The following GAB2 variants were observed in gnomAD, a reference collection of about 807,000 sequenced individuals.
The protein encoded by GAB2 is GRB2-associated-binding protein 2.
Under a neutral mutation model 65.5 loss-of-function variants are expected in GAB2, and 26 were observed. That is an observed-to-expected ratio of 0.40 (90% CI 0.29 to 0.55). The LOEUF (loss-of-function observed/expected upper bound fraction) is 0.55. Ranked by LOEUF, GAB2 falls within the 20% of genes least tolerant of loss-of-function variation. The probability of loss-of-function intolerance (pLI) is 0.53; values close to 1 mark genes in which losing one functional copy is unlikely to be tolerated. For synonymous variants in GAB2, 321 were observed against 329.6 expected (o/e 0.97, Z 0.28); for missense variants, 884 against 875.8 (o/e 1.01, Z -0.12).
chr11:78,385,118 C>G (rs1337475355), intron 1 of GAB2, among the ~76,000 whole-genome samples: 1 of 152,054 alleles, frequency 6.6e-6, no homozygotes, highest in African/African-American at 2.4e-5. Flanking sequence ...TACAAAGTAT[C>G]AAAAAAGACC....
intron 1 of GAB2, among the ~76,000 whole-genome samples, chr11:78,400,691 C>T (rs886300268): frequency 6.6e-6 from 1 of 151,892 alleles, no homozygotes; most frequent in Non-Finnish European, 1.5e-5. Context: ...TCACTTGAGG[C>T]CAGGAGTTCG....
At chr11:78,229,384 A>G (rs1408968077) in intron 3 of GAB2, among the ~76,000 whole-genome samples, 1 of 152,164 alleles carries the variant, frequency 6.6e-6, no homozygotes, top group Non-Finnish European at 1.5e-5. Context: ...GGCCAGGACT[A>G]AAGGGAACGG....
At chr11:78,383,581 C>CAAAAAAAAAAAAAAAAAAAA (rs534814220) in intron 1 of GAB2, among the ~76,000 whole-genome samples, 922 of 55,182 alleles carry the variant, frequency 0.017, 40 homozygotes, top group Middle Eastern at 0.028. Context: ...CCTGTCTCTC[C>CAAAAAAAAAAAAAAAAAAAA]AAAAAAAAAA....
intron 1 of GAB2, among the ~76,000 whole-genome samples, chr11:78,304,042 TA>T (rs1855296375): frequency 6.6e-6 from 1 of 151,940 alleles, no homozygotes; most frequent in African/African-American, 2.4e-5. Flanking sequence ...ATTATATATT[TA>T]AAATTATAAT....
chr11:78,314,172 A>G (rs1409908148), intron 1 of GAB2, among the ~76,000 whole-genome samples: 1 of 152,214 alleles, frequency 6.6e-6, no homozygotes, highest in Non-Finnish European at 1.5e-5. Flanking sequence ...GCTCGCATGT[A>G]AAACAGGAGT....
At chr11:78,294,641 C>T (rs914153144) in intron 1 of GAB2, among the ~76,000 whole-genome samples, 18 of 152,052 alleles carry the variant, frequency 1.2e-4, no homozygotes, top group Admixed American at 2.6e-4. Context: ...AATGGGGAAA[C>T]GATTCCCTAT....
chr11:78,364,211 C>A, intron 1 of GAB2: 1 of 152,142 alleles, frequency 6.6e-6, no homozygotes, highest in Non-Finnish European at 1.5e-5. Flanking sequence ...AGTGTCCTTT[C>A]CACATTGCTT....
intron 1 of GAB2, among the ~76,000 whole-genome samples, chr11:78,284,738 C>A (rs1202885179): frequency 5.3e-4 from 80 of 151,962 alleles, no homozygotes; most frequent in Admixed American, 5.2e-3. Context: ...AGCATGTATA[C>A]CCCCAAAAGA....
intron 2 of GAB2, among the ~76,000 whole-genome samples, chr11:78,258,497 CTATTT>C (rs751085584): frequency 2.8e-4 from 43 of 152,042 alleles, no homozygotes; most frequent in Non-Finnish European, 5.1e-4. Flanking sequence ...GGTTCTGAAA[CTATTT>C]TATTTAATTT....
At chr11:78,322,453 A>G (rs1053299225) in intron 1 of GAB2, among the ~76,000 whole-genome samples, 1 of 151,992 alleles carries the variant, frequency 6.6e-6, no homozygotes. Context: ...AAAATTGACA[A>G]GTGGGACCTA....
intron 1 of GAB2, among the ~76,000 whole-genome samples, chr11:78,382,476 C>T (rs1033529967): frequency 6.6e-6 from 1 of 151,386 alleles, no homozygotes; most frequent in Non-Finnish European, 1.5e-5. Flanking sequence ...GAGCAATATT[C>T]TAAAACAAAG....
At chr11:78,240,216 G>A (rs531730534) in intron 3 of GAB2, among the ~76,000 whole-genome samples, 1 of 152,252 alleles carries the variant, frequency 6.6e-6, no homozygotes, top group African/African-American at 2.4e-5. Flanking sequence ...AGGTACCCCA[G>A]TAGCTAAAAT....
rs2134469892 is a variant in GAB2, at chr11:78,226,884, T to A, written c.788A>T (p.Asp263Val). ...GCTGCGGGGGAGGTCGTAGGTACTG[T>A]CTCTGAATTCTGTATTGTGCCGGCT... is the stretch of plus-strand genomic sequence containing the variant. ...KPSRHNTEFR[D>V]STYDLPRSLA... is the part of the protein sequence containing the mutation. Residue 263 changes from aspartate to valine, a missense_variant, in exon 4 of 10, where the codon GAC becomes GTC. By Grantham distance (152) the Asp-to-Val change is radical (BLOSUM62 -3). Transcript: ENST00000361507. The A allele has an allele frequency of 6.2e-7, 1 of 1,614,044 alleles. No individual in the cohort carries two copies. Among genetic ancestry groups the A allele is most frequent in the Non-Finnish European group, 8.5e-7 (1 of 1,180,008 alleles).
intron 1 of GAB2, among the ~76,000 whole-genome samples, chr11:78,375,808 T>G (rs1039527091): frequency 6.6e-6 from 1 of 152,214 alleles, no homozygotes; most frequent in African/African-American, 2.4e-5. Flanking sequence ...GGGACCACGT[T>G]GTCCTAGCTC....
At chr11:78,411,018 C>G (rs1488979630) in intron 1 of GAB2, among the ~76,000 whole-genome samples, 2 of 151,928 alleles carry the variant, frequency 1.3e-5, no homozygotes, top group African/African-American at 2.4e-5. Flanking sequence ...CCAGGCACAG[C>G]AGTACGCAGC....
intron 1 of GAB2, among the ~76,000 whole-genome samples, chr11:78,320,892 C>T (rs193111151): frequency 2.2e-4 from 34 of 152,020 alleles, no homozygotes; most frequent in African/African-American, 8.0e-4. Context: ...ATATTATAGT[C>T]CCAGTAAGAA....
chr11:78,338,326 G>A (rs1856036722), intron 1 of GAB2, among the ~76,000 whole-genome samples: 1 of 152,110 alleles, frequency 6.6e-6, no homozygotes, highest in Non-Finnish European at 1.5e-5. Flanking sequence ...TAAGACATAA[G>A]TAGAAATCTT....
chr11:78,229,771 T>C (rs1864786688), intron 3 of GAB2, among the ~76,000 whole-genome samples: 2 of 152,250 alleles, frequency 1.3e-5, no homozygotes, highest in African/African-American at 2.4e-5. Context: ...AACCAAACTT[T>C]GCAGTGTTCC....
chr11:78,250,443 T>G, intron 2 of GAB2, 43 bp from the exon 3 acceptor site: 1 of 1,561,644 alleles, frequency 6.4e-7, no homozygotes, highest in Non-Finnish European at 8.8e-7. Context: ...AGGAAGGAAA[T>G]GTATCCTTAT....
Sources: gnomAD v4.1 joint callset for allele counts (sites outside exome capture counted in the v4.1 genomes callset) on GRCh38, gnomAD v4.1.1 for gene constraint, MANE v1.5 for transcripts, NCBI Gene and HGNC (gene_info 2026-07-23, HGNC 2026-07-21) for gene names.